Variants in CACNA1G observed in about 807,000 individuals in gnomAD.
CACNA1G encodes calcium voltage-gated channel subunit alpha1 G.
A neutral mutation model predicts 219.4 loss-of-function variants in CACNA1G; 67 were observed. The observed-to-expected ratio is 0.31, with a 90% CI of 0.25 to 0.37. The LOEUF is 0.37. CACNA1G is among the 10% of genes least tolerant of loss of function. CACNA1G has a pLI of 1.00. For synonymous variants in CACNA1G, 1,296 were observed against 1,345.3 expected (o/e 0.96, Z 0.80); for missense variants, 2,380 against 3,231.4 (o/e 0.74, Z 6.39).
At chr17:50,609,956 G>A (rs1396795875) in intron 26 of CACNA1G, 21 bp downstream of exon 26, 1 of 1,604,490 alleles carries the variant, frequency 6.2e-7, no homozygotes, top group African/African-American at 1.3e-5. Flanking sequence ...TGGGGTGTGG[G>A]CTCATGCGTG....
intron 6 of CACNA1G, 72 bp downstream of exon 6, chr17:50,572,926 C>A: frequency 1.3e-6 from 2 of 1,576,668 alleles, no homozygotes; most frequent in Non-Finnish European, 1.7e-6. Context: ...TCGGAGTGGT[C>A]GCTCTCAGGG....
chr17:50,606,743 G>A (rs1212184338), intron 23 of CACNA1G, among the ~76,000 whole-genome samples, 157 bp from the exon 24 acceptor site: 2 of 152,186 alleles, frequency 1.3e-5, no homozygotes, highest in East Asian at 1.9e-4. Context: ...AACCCTGAGA[G>A]GGAGGGCTCT....
At chr17:50,624,856 T>C (rs2053269811) in intron 37 of CACNA1G, among the ~76,000 whole-genome samples, 1 of 152,076 alleles carries the variant, frequency 6.6e-6, no homozygotes, top group Admixed American at 6.5e-5. Flanking sequence ...TGCCTCCCAA[T>C]TCTTCTCCCC....
intron 24 of CACNA1G, 129 bp from the exon 25 acceptor site, chr17:50,607,698 C>T (rs1009704913): frequency 2.7e-6 from 2 of 730,564 alleles, no homozygotes; most frequent in South Asian, 1.6e-5. Flanking sequence ...CAAACCCACA[C>T]CATTCATTTC....
At chr17:50,597,953 T>A (rs2045895031) in intron 16 of CACNA1G, among the ~76,000 whole-genome samples, 1 of 152,260 alleles carries the variant, frequency 6.6e-6, no homozygotes, top group Admixed American at 6.5e-5. Flanking sequence ...CTCCAGTTCA[T>A]CCATGTTATC....
chr17:50,617,848 C>T lies in CACNA1G; in HGVS notation c.5156-11C>T, dbSNP rs534318143. The T allele has an allele frequency of 2.5e-5, 41 of 1,613,136 alleles. No individual in the cohort carries two copies. In the East Asian group the frequency reaches 8.7e-4, roughly 34 times the overall value. ...AAAGAGGCCAGCTCATGACGTTGTCCTGTTCTGCAGTGCTGAAGCTGCTGA... is the reference window on the plus strand; with the variant it reads ...AAAGAGGCCAGCTCATGACGTTGTCTTGTTCTGCAGTGCTGAAGCTGCTGA... On this transcript the variant is annotated splice_polypyrimidine_tract_variant and intron_variant, in intron 29 of 37. Transcript: ENST00000359106. This position sits in a 1 kb window ranked among gnomAD's most constrained non-coding sequence, Gnocchi z 5.8.
chr17:50,608,712 G>A (rs1305866875), intron 25 of CACNA1G, among the ~76,000 whole-genome samples: 2 of 152,112 alleles, frequency 1.3e-5, no homozygotes, highest in African/African-American at 2.4e-5. Flanking sequence ...GCCCCCATCC[G>A]TCCGTCCTCA....
chr17:50,578,734 C>G lies in CACNA1G; in HGVS notation c.2301+170C>G, dbSNP rs998460247. Among the ~76,000 whole-genome samples, 3 of 152,140 alleles carry G rather than the reference C, an allele frequency of 2.0e-5. No individual in the cohort carries two copies. The highest frequency in any genetic ancestry group is 7.2e-5 in the African/African-American group (3 of 41,432). On this transcript the variant is annotated intron_variant, in intron 9 of 37. Transcript: ENST00000359106. This position sits in a 1 kb window ranked among gnomAD's most constrained non-coding sequence, Gnocchi z 4.5. ...TGATGGAGCAATGCATGGGGATTCT[C>G]TAGAGGGAGTGCTTAAAGTCTCTGA...
At chr17:50,592,468 G>A (rs563159453) in intron 13 of CACNA1G, among the ~76,000 whole-genome samples, 2 of 152,278 alleles carry the variant, frequency 1.3e-5, no homozygotes, top group African/African-American at 4.8e-5. Flanking sequence ...GAGCCGAGGG[G>A]TGCAGGAGGC....
At chr17:50,619,431 G>A (rs539780574) in intron 33 of CACNA1G, among the ~76,000 whole-genome samples, 5 of 151,726 alleles carry the variant, frequency 3.3e-5, no homozygotes, top group South Asian at 2.1e-4. Flanking sequence ...TCCCCCCGCC[G>A]TGGGCTCTGC....
intron 1 of CACNA1G, among the ~76,000 whole-genome samples, chr17:50,565,048 G>A (rs1178266360): frequency 6.3e-5 from 6 of 95,048 alleles, no homozygotes; most frequent in African/African-American, 4.2e-5. Flanking sequence ...GCCTGCTCCC[G>A]CCCAGCACTC....
rs374164924 is a variant in CACNA1G, at chr17:50,616,349, T to C, written c.4986T>C (p.Leu1662=). 1 of 1,613,654 alleles carries C rather than the reference T, an allele frequency of 6.2e-7. No individual in the cohort carries two copies. Among genetic ancestry groups the C allele is most frequent in the Non-Finnish European group, 8.5e-7 (1 of 1,179,590 alleles). The part of the protein sequence containing the change: ...VIFVLESVFK[L]VAFGFRRFFQ... The stretch of plus-strand genomic sequence containing the variant: ...TTGTCTTGGAGTCAGTTTTCAAACT[T>C]GTGGCCTTTGGTTTCCGTCGGTTCT... The change falls in exon 28 of 38, where the codon CTT becomes CTC. Residue 1662 remains leucine (L), a synonymous_variant. Coordinates refer to ENST00000359106, the MANE Select transcript of CACNA1G (RefSeq NM_018896.5).
chr17:50,607,883 T>A lies in CACNA1G; in HGVS notation c.4569T>A (p.Ile1523=). 6.2e-7 allele frequency: 1 copy of A among 1,614,058 alleles called. No homozygotes were observed. The highest frequency in any genetic ancestry group is 8.5e-7 in the Non-Finnish European group (1 of 1,179,906). The part of the protein sequence containing the change: ...MLLYFISFLL[I]VAFFVLNMFV... ...TGTACTTCATCTCGTTCCTGCTCAT[T>A]GTGGCCTTCTTTGTCCTGAACATGT... is the stretch of plus-strand genomic sequence containing the variant. Residue 1523 remains isoleucine, a synonymous_variant, in exon 25 of 38, where the codon ATT becomes ATA. Transcript: ENST00000359106.
intron 26 of CACNA1G, among the ~76,000 whole-genome samples, chr17:50,613,986 T>C (rs1443708058): frequency 6.6e-6 from 1 of 152,206 alleles, no homozygotes; most frequent in Non-Finnish European, 1.5e-5. Context: ...GCCTCATGCA[T>C]GCCTAAGGCG....
intron 7 of CACNA1G, chr17:50,573,788 A>T (rs913639539): frequency 6.6e-6 from 1 of 152,388 alleles, no homozygotes; most frequent in Middle Eastern, 3.4e-3. Flanking sequence ...GCAATATTTA[A>T]TAGTTTTAAT....
chr17:50,610,161 C>T (rs1567728960), intron 26 of CACNA1G, among the ~76,000 whole-genome samples: 1 of 152,194 alleles, frequency 6.6e-6, no homozygotes, highest in Non-Finnish European at 1.5e-5. Context: ...GGAGAGCCCA[C>T]CTTCCCAGCA....
intron 9 of CACNA1G, among the ~76,000 whole-genome samples, chr17:50,581,128 C>T (rs1336227128): frequency 6.6e-6 from 1 of 151,384 alleles, no homozygotes. Context: ...GAGAGACGCG[C>T]AGGCAGGGGA....
intron 1 of CACNA1G, among the ~76,000 whole-genome samples, chr17:50,566,105 A>G (rs2144504966): frequency 6.6e-6 from 1 of 152,188 alleles, no homozygotes; most frequent in South Asian, 2.1e-4. Flanking sequence ...GGTCTCCCTG[A>G]TTCTCCTCCC....
intron 1 of CACNA1G, among the ~76,000 whole-genome samples, chr17:50,565,131 G>A (rs1256252664): frequency 7.3e-6 from 1 of 137,114 alleles, no homozygotes; most frequent in African/African-American, 3.1e-5. Flanking sequence ...GCACGCGCGC[G>A]CACACACACA....
Sources: allele counts gnomAD v4.1 joint callset (sites outside exome capture counted in the v4.1 genomes callset), GRCh38; gene constraint gnomAD v4.1.1; non-coding constraint Gnocchi (gnomAD v3.1); transcripts MANE v1.5; gene names NCBI Gene and HGNC (gene_info 2026-07-23, HGNC 2026-07-21).